SMYD3: variants seen among roughly 807,000 people sequenced by gnomAD.
SMYD3 encodes SET and MYND domain containing 3.
SMYD3 carries 36 observed loss-of-function variants against 57.7 expected under a neutral mutation model. The ratio of observed to expected loss-of-function variants is 0.62; its 90% CI spans 0.48 to 0.82. SMYD3 has a LOEUF of 0.82. Ranked by LOEUF, SMYD3 falls within the 40% of genes least tolerant of loss-of-function variation. SMYD3 has a pLI of 0.00. For synonymous variants in SMYD3, 211 were observed against 195.0 expected, an observed-to-expected ratio of 1.08 and a Z score of -0.68; for missense variants, 515 against 538.8, an observed-to-expected ratio of 0.96 and a Z score of 0.44.
chr1:245,765,135 C>T (rs1247738666), intron 10 of SMYD3, among the ~76,000 whole-genome samples: 2 of 151,056 alleles, frequency 1.3e-5, no homozygotes, highest in Admixed American at 6.6e-5. Context: ...ACCTGTAATC[C>T]CAGCACTTTG....
chr1:246,333,779 G>A (rs1202515103), intron 3 of SMYD3, among the ~76,000 whole-genome samples: 1 of 152,026 alleles, frequency 6.6e-6, no homozygotes, highest in Non-Finnish European at 1.5e-5. Context: ...CCAGCTACTC[G>A]GGAAGCTGAG....
At chr1:246,280,459 T>C (rs1357773803) in intron 5 of SMYD3, among the ~76,000 whole-genome samples, 1 of 152,162 alleles carries the variant, frequency 6.6e-6, no homozygotes, top group East Asian at 1.9e-4. Flanking sequence ...CTTCTGTCAC[T>C]AATAATCTCC....
intron 5 of SMYD3, among the ~76,000 whole-genome samples, chr1:246,130,851 A>G (rs1009900128): frequency 2.0e-5 from 3 of 152,128 alleles, no homozygotes; most frequent in Non-Finnish European, 2.9e-5. Flanking sequence ...CGTCATAATC[A>G]TTTCATTCTC....
chr1:246,117,226 T>C (rs1234970543), intron 5 of SMYD3, among the ~76,000 whole-genome samples: 1 of 152,214 alleles, frequency 6.6e-6, no homozygotes, highest in Non-Finnish European at 1.5e-5. Flanking sequence ...TATCTGAAAA[T>C]GTTTTGCAAT....
At chr1:245,813,215 A>C (rs373059735) in intron 10 of SMYD3, among the ~76,000 whole-genome samples, 2 of 151,912 alleles carry the variant, frequency 1.3e-5, no homozygotes, top group African/African-American at 4.8e-5. Flanking sequence ...GCGTTTCACT[A>C]TGTTGGCCAG....
At chr1:246,273,738 T>A in intron 5 of SMYD3, among the ~76,000 whole-genome samples, 1 of 151,564 alleles carries the variant, frequency 6.6e-6, no homozygotes, top group East Asian at 2.0e-4. Context: ...GTGCCCACTA[T>A]CACACCCTGC....
At position 245,867,666 on chromosome 1, in the gene SMYD3, G is replaced by GCACACACA. The variant is rs66978528; in HGVS notation, c.814-3781_814-3780insTGTGTGTG. ...TGCATGCGCGTGCGTGTGCGTGCGC[G>GCACACACA]CGCACACACACACACACACACACTC... On this transcript the variant is annotated intron_variant, in intron 8 of 11. Coordinates refer to ENST00000490107, the MANE Select transcript of SMYD3 (RefSeq NM_001167740.2). Among the ~76,000 whole-genome samples the GCACACACA allele has an allele frequency of 1.8e-4, 25 of 139,824 alleles. No individual in the cohort carries two copies. The East Asian group carries it at 4.2e-3, about 23-fold the overall frequency. 91.7% of individuals were successfully genotyped at this position (139,824 alleles called of 152,430 possible). A position where few individuals can be genotyped will look rare whatever the true frequency, so the allele number is the denominator to read the frequency against.
intron 5 of SMYD3, among the ~76,000 whole-genome samples, chr1:246,033,027 A>G (rs546044390): frequency 2.6e-4 from 39 of 152,342 alleles, no homozygotes; most frequent in African/African-American, 9.4e-4. Context: ...ACTAGCATAC[A>G]ACCGAGCAAT....
chr1:246,080,217 C>T (rs569882738), intron 5 of SMYD3, among the ~76,000 whole-genome samples: 3 of 131,432 alleles, frequency 2.3e-5, no homozygotes, highest in Admixed American at 7.0e-5. Context: ...CTGGGTCACA[C>T]GGCAGGAGGC....
chr1:246,359,155 A>G (rs1420478723), intron 1 of SMYD3, among the ~76,000 whole-genome samples: 1 of 152,226 alleles, frequency 6.6e-6, no homozygotes, highest in African/African-American at 2.4e-5. Flanking sequence ...ACAGAAATAC[A>G]AAAGTTTATT....
intron 1 of SMYD3, among the ~76,000 whole-genome samples, chr1:246,481,621 T>TATATATATACAC (rs1307881494): frequency 1.0e-3 from 103 of 98,514 alleles, no homozygotes; most frequent in East Asian, 2.2e-3. Flanking sequence ...CATACATATA[T>TATATATATACAC]ACATACATAC....
chr1:246,277,179 C>T (rs954617779), intron 5 of SMYD3, among the ~76,000 whole-genome samples: 1 of 151,864 alleles, frequency 6.6e-6, no homozygotes, highest in African/African-American at 2.4e-5. Flanking sequence ...ATGCATTCAG[C>T]TTAGGCAACC....
chr1:245,817,044 C>T (rs2048858438), intron 10 of SMYD3, among the ~76,000 whole-genome samples: 1 of 151,610 alleles, frequency 6.6e-6, no homozygotes, highest in Admixed American at 6.6e-5. Flanking sequence ...TGGAGCCCAC[C>T]ACAGCTCAAG....
intron 5 of SMYD3, among the ~76,000 whole-genome samples, chr1:246,019,374 C>T (rs1206292493): frequency 6.6e-6 from 1 of 152,190 alleles, no homozygotes; most frequent in Non-Finnish European, 1.5e-5. Flanking sequence ...CGCTTTACAG[C>T]TATTCTTTTG....
chr1:246,452,360 T>C (rs990688116), intron 1 of SMYD3, among the ~76,000 whole-genome samples: 1 of 151,968 alleles, frequency 6.6e-6, no homozygotes, highest in African/African-American at 2.4e-5. Context: ...ACAAAAATTA[T>C]GGGTGGTGTT....
chr1:246,452,331 C>T lies in SMYD3; in HGVS notation c.164+54723G>A, dbSNP rs532213778. ...GACCAGCTTGGCCAACATGGCAGAACCTTGTCTCTCCTAAAAATACAAAAA... is the reference window on the plus strand; with the variant it reads ...GACCAGCTTGGCCAACATGGCAGAATCTTGTCTCTCCTAAAAATACAAAAA... On this transcript the variant is annotated intron_variant, in intron 1 of 11. Coordinates refer to ENST00000490107, the MANE Select transcript of SMYD3 (RefSeq NM_001167740.2). 2.6e-5 allele frequency among the ~76,000 whole-genome samples: 4 copies of T among 152,212 alleles called. No homozygotes were observed. The South Asian group carries it at 8.3e-4, about 32-fold the overall frequency.
At chr1:245,805,482 C>T (rs764607735) in intron 10 of SMYD3, among the ~76,000 whole-genome samples, 6 of 152,206 alleles carry the variant, frequency 3.9e-5, no homozygotes, top group Non-Finnish European at 7.3e-5. Context: ...GCTGGTTAAA[C>T]ATTTGCTGAT....
At chr1:246,321,388 A>G (rs1349898484) in intron 5 of SMYD3, among the ~76,000 whole-genome samples, 1 of 152,348 alleles carries the variant, frequency 6.6e-6, no homozygotes, top group African/African-American at 2.4e-5. Context: ...TATGAAGTAG[A>G]TATTAGTATT....
chr1:245,997,263 G>A (rs1377529117), intron 5 of SMYD3, among the ~76,000 whole-genome samples: 3 of 152,248 alleles, frequency 2.0e-5, no homozygotes, highest in African/African-American at 4.8e-5. Context: ...GCAACTGAGT[G>A]TTACTCTCAG....
Sources: gnomAD v4.1 joint callset for allele counts (sites outside exome capture counted in the v4.1 genomes callset) on GRCh38, gnomAD v4.1.1 for gene constraint, MANE v1.5 for transcripts, NCBI Gene and HGNC (gene_info 2026-07-23, HGNC 2026-07-21) for gene names.